CARMIL3: variants seen among roughly 807,000 people sequenced by gnomAD.
CARMIL3 encodes capping protein, Arp2/3 and myosin-I linker protein 3.
In CARMIL3, 88 loss-of-function variants were observed where a neutral mutation model predicts 180.8. The ratio of observed to expected loss-of-function variants is 0.49; its 90% confidence interval spans 0.41 to 0.58. The LOEUF is 0.58. CARMIL3 is among the 20% of genes least tolerant of loss of function. The probability of loss-of-function intolerance (pLI) is 0.00; values close to 1 mark genes in which losing one functional copy is unlikely to be tolerated. For synonymous variants in CARMIL3, 696 were observed against 714.5 expected, an observed-to-expected ratio of 0.97 and a Z score of 0.41; for missense variants, 1,548 against 1,787.0, an observed-to-expected ratio of 0.87 and a Z score of 2.41.
chr14:24,061,551 C>T lies in CARMIL3; in HGVS notation c.2359C>T (p.Arg787Trp), dbSNP rs1299201756. The change falls in exon 27 of 40, where the codon CGG (arginine) becomes TGG (tryptophan). Residue 787 changes from arginine (R) to tryptophan (W), a missense_variant. Physicochemically the swap from Arg to Trp is moderately radical, Grantham distance 101. Coordinates refer to ENST00000342740, the MANE Select transcript of CARMIL3 (RefSeq NM_138360.4). The surrounding 1 kb of genome is among the most constrained non-coding windows in gnomAD (Gnocchi z 4.1). ...LTQELCPVAM[R>W]VAEGHNKMLS... is the part of the protein sequence containing the mutation. ...ACAGGAGTTATGCCCTGTGGCCATG[C>T]GGGTGGCCGAGGGACACAACAAGAT... The T allele has an allele frequency of 6.2e-7, 1 of 1,613,990 alleles. No homozygotes were observed.
chr14:24,058,133 C>A lies in CARMIL3; in HGVS notation c.1323-22C>A. 6.2e-7 allele frequency: 1 copy of A among 1,613,780 alleles called. No individual in the cohort carries two copies. Among genetic ancestry groups the A allele is most frequent in the East Asian group, 2.2e-5 (1 of 44,864 alleles). On this transcript the variant is annotated intron_variant, in intron 16 of 39. Transcript: ENST00000342740. This position sits in a 1 kb window ranked among gnomAD's most constrained non-coding sequence, Gnocchi z 6.4. ...GGGAGCGGGAAGAGGTAAAGGAGGGCCTGCTGACCTCCCTCCCACAGGGCG... is the reference window on the plus strand; with the variant it reads ...GGGAGCGGGAAGAGGTAAAGGAGGGACTGCTGACCTCCCTCCCACAGGGCG...
chr14:24,057,722 TGGGGAGGGAG>T, intron 14 of CARMIL3, 71 bp from the exon 15 acceptor site: 1 of 1,228,108 alleles, frequency 8.1e-7, no homozygotes, highest in Non-Finnish European at 1.2e-6. Context: ...GGAACCTCGA[TGGGGAGGGAG>T]GGGGAGTCCT....
intron 14 of CARMIL3, 40 bp from the exon 15 acceptor site, chr14:24,057,763 C>G (rs2035686164): frequency 6.3e-7 from 1 of 1,575,620 alleles, no homozygotes; most frequent in South Asian, 1.1e-5. Context: ...CCCCTACCCC[C>G]TTCCAGCTCC....
At chr14:24,064,108 A>AAG (rs2035760738) in intron 31 of CARMIL3, 138 bp from the exon 32 acceptor site, 1 of 549,052 alleles carries the variant, frequency 1.8e-6, no homozygotes, top group East Asian at 4.2e-5. Flanking sequence ...AAAAAAAAAA[A>AAG]AAAGAAAAAG....
At position 24,064,355 on chromosome 14, in the gene CARMIL3, C is replaced by T; in HGVS notation, c.3080+9C>T. 1 of 1,587,304 alleles carries T rather than the reference C, an allele frequency of 6.3e-7. No individual in the cohort carries two copies. The highest frequency in any genetic ancestry group is 8.6e-7 in the Non-Finnish European group (1 of 1,160,012). On this transcript the variant is annotated intron_variant, in intron 32 of 39. Coordinates refer to ENST00000342740, the MANE Select transcript of CARMIL3 (RefSeq NM_138360.4). ...CTGGAGGAAAGTTCTAGGTGTGATG[C>T]CTAAACACACTCCCATTTTCAGCAG... is the stretch of plus-strand genomic sequence containing the variant.
Position 24,069,637 on chromosome 14 carries a change from G to C in CARMIL3, c.*233G>C. The C allele has an allele frequency of 3.4e-6, 2 of 585,054 alleles. No individual in the cohort carries two copies. The highest frequency in any genetic ancestry group is 6.1e-6 in the Non-Finnish European group (2 of 329,058). The allele number at this position is 585,054 out of a possible 1,614,324, so 36.2% of individuals were successfully genotyped here. A position where few individuals can be genotyped will look rare whatever the true frequency, so the allele number is the denominator to read the frequency against. On this transcript the variant is annotated 3_prime_UTR_variant, in exon 40 of 40. Transcript: ENST00000342740. ...CTCTCTGCAGAGAGCTTCTGGGTGG[G>C]GGCTTATCTCCTCCCCCAGGAGGGT...
Position 24,061,082 on chromosome 14 carries a change from T to C in CARMIL3, c.2304+42T>C. Reference sequence around the variant, plus strand: ...GGAGGAATCCATGGTGGGAACCTAGTGTTGACTGAGGCCCTAAGCCCAGAG... The same window carrying C: ...GGAGGAATCCATGGTGGGAACCTAGCGTTGACTGAGGCCCTAAGCCCAGAG... On this transcript the variant is annotated intron_variant, in intron 26 of 39. Coordinates refer to ENST00000342740, the MANE Select transcript of CARMIL3 (RefSeq NM_138360.4). This position sits in a 1 kb window ranked among gnomAD's most constrained non-coding sequence, Gnocchi z 4.1. 6.6e-7 allele frequency: 1 copy of C among 1,516,208 alleles called. No homozygotes were observed. Among genetic ancestry groups the C allele is most frequent in the Non-Finnish European group, 9.0e-7 (1 of 1,115,812 alleles). The allele number at this position is 1,516,208 out of a possible 1,614,324, so 93.9% of individuals were successfully genotyped here. A position where few individuals can be genotyped will look rare whatever the true frequency, so the allele number is the denominator to read the frequency against.
In CARMIL3 at chr14:24,058,043, A is replaced by G; in HGVS notation, c.1301A>G (p.Lys434Arg). ...TLSHVNLSATKLPLEALRALL... is the reference protein window; with the variant it reads ...TLSHVNLSATRLPLEALRALL... ...AGCCACGTCAATCTGTCGGCCACAA[A>G]GCTGCCCCTGGAGGCCCTCAGGTCG... The change falls in exon 16 of 40, where the codon AAG becomes AGG. Residue 434 changes from lysine (K) to arginine (R), a missense_variant. Lys to Arg is a conservative substitution (Grantham distance 26). Transcript: ENST00000342740. The surrounding 1 kb of genome is among the most constrained non-coding windows in gnomAD (Gnocchi z 6.4). The G allele has an allele frequency of 6.2e-7, 1 of 1,613,676 alleles. No homozygotes were observed. The highest frequency in any genetic ancestry group is 8.5e-7 in the Non-Finnish European group (1 of 1,179,970).
chr14:24,063,964 CCT>C (rs1594553195), intron 31 of CARMIL3, among the ~76,000 whole-genome samples: 1 of 151,952 alleles, frequency 6.6e-6, no homozygotes, highest in East Asian at 1.9e-4. Flanking sequence ...CGTGGTGGCG[CCT>C]GCCTGTAATC....
At chr14:24,057,715 A>G in intron 14 of CARMIL3, 88 bp from the exon 15 acceptor site, 1 of 1,134,140 alleles carries the variant, frequency 8.8e-7, no homozygotes, top group Non-Finnish European at 1.3e-6. Context: ...AGAGCCAGGA[A>G]CCTCGATGGG....
rs759231594 is a variant in CARMIL3, at chr14:24,054,380, G to T, written c.247-16G>T. The T allele has an allele frequency of 1.2e-6, 2 of 1,613,894 alleles. No individual in the cohort carries two copies. Among genetic ancestry groups the T allele is most frequent in the Non-Finnish European group, 1.7e-6 (2 of 1,179,820 alleles). ...AGAGGAGGGAGTCTGAGGCTCTGAC[G>T]CTTCGTCTCCCCCAGATCCTGGTGG... On this transcript the variant is annotated splice_polypyrimidine_tract_variant and intron_variant, in intron 4 of 39. Coordinates refer to ENST00000342740, the MANE Select transcript of CARMIL3 (RefSeq NM_138360.4). The surrounding 1 kb of genome is among the most constrained non-coding windows in gnomAD (Gnocchi z 5.1).
chr14:24,066,842 G>A (rs557365363), intron 36 of CARMIL3, among the ~76,000 whole-genome samples, 186 bp downstream of exon 36: 16 of 152,362 alleles, frequency 1.1e-4, no homozygotes, highest in African/African-American at 3.6e-4. Flanking sequence ...CCAATCCAAA[G>A]AAAGCTTCTA....
At chr14:24,055,033 C>T (rs1224563600) in intron 6 of CARMIL3, 33 bp from the exon 7 acceptor site, 1 of 1,608,816 alleles carries the variant, frequency 6.2e-7, no homozygotes, top group Non-Finnish European at 8.5e-7. Flanking sequence ...ATCTCCTTAC[C>T]CTCATGGAAT....
At chr14:24,063,999 C>T (rs928741279) in intron 31 of CARMIL3, among the ~76,000 whole-genome samples, 2 of 150,056 alleles carry the variant, frequency 1.3e-5, no homozygotes, top group Non-Finnish European at 2.9e-5. Flanking sequence ...GAGGCTGAGG[C>T]AGGAGAACTG....
rs140350011 is a variant in CARMIL3 at position 24,063,154 on chromosome 14, G to A, written c.2741G>A (p.Arg914His). 321 of 1,613,350 alleles carry A rather than the reference G, an allele frequency of 2.0e-4. 1 individual carries two copies. The highest frequency in any genetic ancestry group is 2.6e-4 in the Non-Finnish European group (306 of 1,179,434). The change falls in exon 30 of 40, where the codon CGC (arginine) becomes CAC (histidine). Residue 914 changes from arginine (R) to histidine (H), a missense_variant. By Grantham distance (29) the Arg-to-His change is conservative. Around this residue, in one of 4 missense-constraint regions of CARMIL3, gnomAD observed 668 missense variants for 687.8 expected, o/e 0.97. Coordinates refer to ENST00000342740, the MANE Select transcript of CARMIL3 (RefSeq NM_138360.4). ...TMAIKKQKRC[R>H]KIRPVSAFIS... ...GCCATCAAAAAGCAGAAACGCTGCC[G>A]CAAGATTCGGCCGGTGTCTGCCTTC...
chr14:24,066,730 C>A, intron 36 of CARMIL3, 74 bp downstream of exon 36: 2 of 1,497,266 alleles, frequency 1.3e-6, no homozygotes, highest in Non-Finnish European at 1.8e-6. Context: ...GCCCATGGCC[C>A]CTGTGCTGGG....
At position 24,066,668 on chromosome 14, in the gene CARMIL3, C is replaced by T; in HGVS notation, c.3682+12C>T. 1 of 1,613,166 alleles carries T rather than the reference C, an allele frequency of 6.2e-7. No homozygotes were observed. The highest frequency in any genetic ancestry group is 8.5e-7 in the Non-Finnish European group (1 of 1,179,252). On this transcript the variant is annotated intron_variant, in intron 36 of 39. Transcript: ENST00000342740. ...CACATGGCACATAGGTATGGAAAGCCTCTTTTCAGGCAGCAGTACTGAAAG... is the reference window on the plus strand; with the variant it reads ...CACATGGCACATAGGTATGGAAAGCTTCTTTTCAGGCAGCAGTACTGAAAG...
Position 24,057,808 on chromosome 14 carries a change from C to T in CARMIL3, c.1146C>T (p.Leu382=), listed in dbSNP as rs775399902. The part of the protein sequence containing the change: ...SGTDCVIDLL[L]GALLHGCCSH... ...CACCATATCTCCCCCCACAGCTTCTCGGTGCCCTGCTCCACGGCTGCTGCT... is the reference window on the plus strand; with the variant it reads ...CACCATATCTCCCCCCACAGCTTCTTGGTGCCCTGCTCCACGGCTGCTGCT... Residue 382 remains leucine (L), a synonymous_variant, in exon 15 of 40, where the codon CTC becomes CTT. Transcript: ENST00000342740. 32 of 1,609,162 alleles carry T rather than the reference C, an allele frequency of 2.0e-5. No homozygotes were observed. Among genetic ancestry groups the T allele is most frequent in the Non-Finnish European group, 2.6e-5 (31 of 1,179,520 alleles).
intron 9 of CARMIL3, 37 bp downstream of exon 9, chr14:24,055,655 A>G: frequency 6.2e-7 from 1 of 1,613,730 alleles, no homozygotes; most frequent in Non-Finnish European, 8.5e-7. Flanking sequence ...TGGGAGAAGT[A>G]GTGCCCCCCT....
Sources: gnomAD v4.1 joint callset for allele counts (sites outside exome capture counted in the v4.1 genomes callset) on GRCh38, gnomAD v4.1.1 for gene constraint, gnomAD v4.1.1 regional missense constraint, Gnocchi (gnomAD v3.1) non-coding constraint, MANE v1.5 for transcripts, NCBI Gene and HGNC (gene_info 2026-07-23, HGNC 2026-07-21) for gene names.